The following ZBED3 variants were observed in gnomAD, a reference collection of about 807,000 sequenced individuals.
ZBED3 encodes zinc finger BED domain-containing protein 3.
For missense variants in ZBED3, 388 were observed against 362.9 expected (o/e 1.07, Z -0.56); for synonymous variants, 175 against 180.0 (o/e 0.97, Z 0.22).
At chr5:77,083,713 A>G (rs1355738367) in intron 1 of ZBED3, among the ~76,000 whole-genome samples, 4 of 152,234 alleles carry the variant, frequency 2.6e-5, no homozygotes, top group African/African-American at 9.6e-5. Context: ...TCAACAGAGT[A>G]AGTAGTCTAA....
At chr5:77,085,195 T>A (rs1222745579) in intron 1 of ZBED3, among the ~76,000 whole-genome samples, 2 of 152,204 alleles carry the variant, frequency 1.3e-5, no homozygotes, top group African/African-American at 4.8e-5. Context: ...AAATCCCAGA[T>A]TCCTCAGTAT....
At chr5:77,080,629 A>C (rs1580147939) in intron 1 of ZBED3, 1 of 517,732 alleles carries the variant, frequency 1.9e-6, no homozygotes, top group Non-Finnish European at 3.9e-6. Flanking sequence ...CTGCTGAGTG[A>C]CCAGCAGTCT....
In ZBED3 at chr5:77,077,779, T is replaced by C. The variant is rs1486476503; in HGVS notation, c.100A>G (p.Thr34Ala). The C allele has an allele frequency of 1.5e-6, 2 of 1,314,368 alleles. No individual in the cohort carries two copies. The highest frequency in any genetic ancestry group is 1.9e-6 in the Non-Finnish European group (2 of 1,035,728). The allele number at this position is 1,314,368 out of a possible 1,614,324, so 81.4% of individuals were successfully genotyped here. The change falls in exon 3 of 3, where the codon ACG (threonine) becomes GCG (alanine). Residue 34 changes from threonine to alanine, a missense_variant. Coordinates refer to ENST00000255198, the MANE Select transcript of ZBED3 (RefSeq NM_032367.4). ...GQCPGLGPAP[T>A]PTPPGRLGAP... ...CCCAGGCGGCCGGGAGGCGTCGGCG[T>C]CGGCGCCGGCCCCAGTCCCGGACAC...
chr5:77,083,048 A>C (rs1283340973), intron 1 of ZBED3, among the ~76,000 whole-genome samples: 1 of 152,172 alleles, frequency 6.6e-6, no homozygotes, highest in East Asian at 1.9e-4. Context: ...GAGGCAGGAG[A>C]ATCGCTTGAA....
chr5:77,077,422 G>A lies in ZBED3; in HGVS notation c.457C>T (p.Arg153Cys), dbSNP rs1329655804. 8.1e-7 allele frequency: 1 copy of A among 1,230,656 alleles called. No homozygotes were observed. Among genetic ancestry groups the A allele is most frequent in the Non-Finnish European group, 1.0e-6 (1 of 984,278 alleles). 76.2% of individuals were successfully genotyped at this position (1,230,656 alleles called of 1,614,324 possible). Residue 153 changes from arginine (R) to cysteine (C), a missense_variant, in exon 3 of 3, where the codon CGC becomes TGC. Transcript: ENST00000255198. ...GSRRERELER[R>C]ELAVEQGERA... is the part of the protein sequence containing the mutation. Reference sequence around the variant, plus strand: ...TCGCCCTGCTCCACGGCCAGCTCGCGCCGCTCCAGCTCCCGCTCCCGCCGG... The same window carrying A: ...TCGCCCTGCTCCACGGCCAGCTCGCACCGCTCCAGCTCCCGCTCCCGCCGG...
At position 77,075,952 on chromosome 5, in the gene ZBED3, T is replaced by C. The variant is rs1214275262; in HGVS notation, c.*1222A>G. 23 of 32,216 alleles carry C rather than the reference T, an allele frequency of 7.1e-4. 2 individuals are homozygous for C. The highest frequency in any genetic ancestry group is 1.2e-3 in the African/African-American group (11 of 9,040). 2.0% of individuals were successfully genotyped at this position (32,216 alleles called of 1,614,324 possible). A position where few individuals can be genotyped will look rare whatever the true frequency, so the allele number is the denominator to read the frequency against. On this transcript the variant is annotated 3_prime_UTR_variant, in exon 3 of 3. Coordinates refer to ENST00000255198, the MANE Select transcript of ZBED3 (RefSeq NM_032367.4). ...TTAAAGTATTATATATACATATATATATATATATATATATGTATATGTATA... is the reference window on the plus strand; with the variant it reads ...TTAAAGTATTATATATACATATATACATATATATATATATGTATATGTATA...
chr5:77,080,240 G>C (rs1192099350), intron 1 of ZBED3, among the ~76,000 whole-genome samples: 3 of 152,210 alleles, frequency 2.0e-5, no homozygotes, highest in Non-Finnish European at 2.9e-5. Flanking sequence ...TAGTGCCAGA[G>C]GTGACTGATT....
chr5:77,074,651 C>A lies in ZBED3; in HGVS notation c.*2523G>T, dbSNP rs1742939726. ...TCAGTAAATATTAATGTCACTAATT[C>A]CAGTCAATTCCATTAACTGGAATTA... On this transcript the variant is annotated 3_prime_UTR_variant, in exon 3 of 3. Coordinates refer to ENST00000255198, the MANE Select transcript of ZBED3 (RefSeq NM_032367.4). 6.6e-6 allele frequency: 1 copy of A among 152,108 alleles called. No homozygotes were observed. The highest frequency in any genetic ancestry group is 2.4e-5 in the African/African-American group (1 of 41,398). 9.4% of individuals were successfully genotyped at this position (152,108 alleles called of 1,614,324 possible).
In ZBED3 at chr5:77,075,987, A is replaced by ATATATGTATATATG. The variant is rs1742982714; in HGVS notation, c.*1173_*1186dup. ...TATATGTATATGTATATATGTATATATATATGTATATATGTATATATATAT... is the reference window on the plus strand; with the variant it reads ...TATATGTATATGTATATATGTATATATATATGTATATATGTATATGTATATATGTATATATATAT... On this transcript the variant is annotated 3_prime_UTR_variant, in exon 3 of 3. Coordinates refer to ENST00000255198, the MANE Select transcript of ZBED3 (RefSeq NM_032367.4). 3 of 34,728 alleles carry ATATATGTATATATG rather than the reference A, an allele frequency of 8.6e-5. 1 individual carries two copies. The highest frequency in any genetic ancestry group is 4.0e-4 in the African/African-American group (3 of 7,416). The allele number at this position is 34,728 out of a possible 1,614,324, so 2.2% of individuals were successfully genotyped here. A position where few individuals can be genotyped will look rare whatever the true frequency, so the allele number is the denominator to read the frequency against.
In ZBED3 at chr5:77,077,460, G is replaced by A; in HGVS notation, c.419C>T (p.Ala140Val). 8.3e-7 allele frequency: 1 copy of A among 1,207,122 alleles called. No homozygotes were observed. The highest frequency in any genetic ancestry group is 3.2e-5 in the South Asian group (1 of 31,446). The allele number at this position is 1,207,122 out of a possible 1,614,324, so 74.8% of individuals were successfully genotyped here. Residue 140 changes from alanine (A) to valine (V), a missense_variant, in exon 3 of 3, where the codon GCC (alanine) becomes GTC (valine). Transcript: ENST00000255198. ...ARLLEQMGAL[A>V]VRGSRREREL... ...CCGCTCCCGCCGGCTGCCGCGCACG[G>A]CCAGCGCGCCCATCTGTTCCAGCAG...
Position 77,077,619 on chromosome 5 carries a change from G to A in ZBED3, c.260C>T (p.Ser87Leu). 7.1e-7 allele frequency: 1 copy of A among 1,410,282 alleles called. No homozygotes were observed. 87.4% of individuals were successfully genotyped at this position (1,410,282 alleles called of 1,614,324 possible). The stretch of plus-strand genomic sequence containing the variant: ...GCTCCTCAGGTGCCTCCACAACGCC[G>A]AGGTCCCCGCGTGGAAGCCCGGGCC... ...GRGPGFHAGTSALWRHLRSAH... is the reference protein window; with the variant it reads ...GRGPGFHAGTLALWRHLRSAH... Residue 87 changes from serine to leucine, a missense_variant, in exon 3 of 3, where the codon TCG becomes TTG. Physicochemically the swap from Ser to Leu is moderately radical, Grantham distance 145. Transcript: ENST00000255198.
intron 1 of ZBED3, among the ~76,000 whole-genome samples, chr5:77,079,708 A>G (rs775590137): frequency 2.6e-5 from 4 of 152,242 alleles, no homozygotes; most frequent in African/African-American, 4.8e-5. Flanking sequence ...ACCAATTAGC[A>G]TAGAAAATCT....
rs142971167 is a variant in ZBED3, at chr5:77,075,653, T to G, written c.*1521A>C. ...AGAGTATGTATCTGAGTATTCATTG[T>G]GCTAGCCTTTCAACTTTTTCTGGAT... On this transcript the variant is annotated 3_prime_UTR_variant, in exon 3 of 3. Transcript: ENST00000255198. The G allele has an allele frequency of 6.6e-6, 1 of 151,888 alleles. No individual in the cohort carries two copies. The highest frequency in any genetic ancestry group is 6.6e-5 in the Admixed American group (1 of 15,230). The allele number at this position is 151,888 out of a possible 1,614,324, so 9.4% of individuals were successfully genotyped here.
At chr5:77,079,692 A>G (rs1300385032) in intron 1 of ZBED3, among the ~76,000 whole-genome samples, 1 of 152,246 alleles carries the variant, frequency 6.6e-6, no homozygotes, top group Non-Finnish European at 1.5e-5. Context: ...GTCACTCATG[A>G]TAAAGACCAA....
rs34123036 is a variant in ZBED3 at position 77,076,041 on chromosome 5, GTA to G, written c.*1131_*1132del. 1.3e-5 allele frequency: 1 copy of G among 76,282 alleles called. No individual in the cohort carries two copies. Among genetic ancestry groups the G allele is most frequent in the Non-Finnish European group, 2.8e-5 (1 of 35,726 alleles). 4.7% of individuals were successfully genotyped at this position (76,282 alleles called of 1,614,324 possible). ...TATATGTATATATATATGTATATATGTATATATATATATAATATATACACACA... is the reference window on the plus strand; with the variant it reads ...TATATGTATATATATATGTATATATGTATATATATATAATATATACACACA... On this transcript the variant is annotated 3_prime_UTR_variant, in exon 3 of 3. Transcript: ENST00000255198.
rs903976845 is a variant in ZBED3, at chr5:77,076,150, G to A, written c.*1024C>T. On this transcript the variant is annotated 3_prime_UTR_variant, in exon 3 of 3. Transcript: ENST00000255198. ...AAGGATAGGCAGCCAGGACTTGTTG[G>A]CCCTTCTGGGTTAAGTCTTTCTTTT... 1 of 150,370 alleles carries A rather than the reference G, an allele frequency of 6.7e-6. No homozygotes were observed. The highest frequency in any genetic ancestry group is 1.5e-5 in the Non-Finnish European group (1 of 67,750). 9.3% of individuals were successfully genotyped at this position (150,370 alleles called of 1,614,324 possible).
At chr5:77,080,710 G>A (rs942346905) in intron 1 of ZBED3, 8 of 439,252 alleles carry the variant, frequency 1.8e-5, no homozygotes, top group African/African-American at 1.6e-4. Flanking sequence ...AACACCGCAT[G>A]TTCTCATTCA....
At position 77,075,711 on chromosome 5, in the gene ZBED3, A is replaced by G. The variant is rs1490186354; in HGVS notation, c.*1463T>C. The G allele has an allele frequency of 1.3e-5, 2 of 151,714 alleles. No individual in the cohort carries two copies. Among genetic ancestry groups the G allele is most frequent in the African/African-American group, 2.4e-5 (1 of 41,312 alleles). The allele number at this position is 151,714 out of a possible 1,614,324, so 9.4% of individuals were successfully genotyped here. A position where few individuals can be genotyped will look rare whatever the true frequency, so the allele number is the denominator to read the frequency against. On this transcript the variant is annotated 3_prime_UTR_variant, in exon 3 of 3. Transcript: ENST00000255198. ...ATTTTTCAATATAAAAAAATAAGAA[A>G]AAAAAGAGGCCTATGGAAAAACTGG...
chr5:77,076,990 C>A lies in ZBED3; in HGVS notation c.*184G>T, dbSNP rs1417111623. 1.3e-5 allele frequency: 6 copies of A among 448,208 alleles called. No individual in the cohort carries two copies. In the East Asian group the frequency reaches 2.2e-4, roughly 17 times the overall value. The allele number at this position is 448,208 out of a possible 1,614,324, so 27.8% of individuals were successfully genotyped here. On this transcript the variant is annotated 3_prime_UTR_variant, in exon 3 of 3. Transcript: ENST00000255198. ...CATGGAAGTGAGTTTTGGTTCTGCT[C>A]TGGCTTCGAAGTGCTTCTCAAGCTG...
Sources: gnomAD v4.1 joint callset for allele counts (sites outside exome capture counted in the v4.1 genomes callset) on GRCh38, gnomAD v4.1.1 for gene constraint, MANE v1.5 for transcripts, NCBI Gene and HGNC (gene_info 2026-07-23, HGNC 2026-07-21) for gene names.